DNAJC11: variants seen among roughly 807,000 people sequenced by gnomAD.
The protein encoded by DNAJC11 is dnaJ homolog subfamily C member 11.
Under a neutral mutation model 78.6 loss-of-function variants are expected in DNAJC11, and 15 were observed. That is an observed-to-expected ratio of 0.19 (90% CI 0.13 to 0.29). The LOEUF (loss-of-function observed/expected upper bound fraction) is 0.29, where lower values mean the gene tolerates loss of function less well. Among genes scored for constraint, DNAJC11 ranks in the 10% least tolerant of loss-of-function variants. The pLI, the probability that DNAJC11 is intolerant of heterozygous loss-of-function variation, is 1.00. For synonymous variants in DNAJC11, 292 were observed against 272.1 expected, an observed-to-expected ratio of 1.07 and a Z score of -0.72; for missense variants, 547 against 709.6, an observed-to-expected ratio of 0.77 and a Z score of 2.60.
Position 6,655,464 on chromosome 1 carries a change from C to T in DNAJC11, c.379-1425G>A, listed in dbSNP as rs182992301. On this transcript the variant is annotated intron_variant, in intron 4 of 15. Transcript: ENST00000377577. ...CAAATTTTTTATATTCACAGAGTAA[C>T]AGCATGAACACATCTCTGTCATGAT... Among the ~76,000 whole-genome samples the T allele has an allele frequency of 1.6e-4, 25 of 152,252 alleles. No individual in the cohort carries two copies. The East Asian group carries it at 4.2e-3, about 26-fold the overall frequency.
At position 6,634,709 on chromosome 1, in the gene DNAJC11, G is replaced by A. The variant is rs1641722827; in HGVS notation, c.*966C>T. Reference sequence around the variant, plus strand: ...TGGGCACGTGGAGGAAGGGTCTGAAGGAAGGCTCCGGAGCACAGGCCCTGG... The same window carrying A: ...TGGGCACGTGGAGGAAGGGTCTGAAAGAAGGCTCCGGAGCACAGGCCCTGG... On this transcript the variant is annotated 3_prime_UTR_variant, in exon 16 of 16. Transcript: ENST00000377577. 2 of 1,364,090 alleles carry A rather than the reference G, an allele frequency of 1.5e-6. No individual in the cohort carries two copies. The highest frequency in any genetic ancestry group is 2.0e-6 in the Non-Finnish European group (2 of 1,020,896). 84.5% of individuals were successfully genotyped at this position (1,364,090 alleles called of 1,614,324 possible). A position where few individuals can be genotyped will look rare whatever the true frequency, so the allele number is the denominator to read the frequency against.
chr1:6,678,568 C>A, intron 2 of DNAJC11, 101 bp from the exon 3 acceptor site: 1 of 906,738 alleles, frequency 1.1e-6, no homozygotes, highest in Non-Finnish European at 1.7e-6. Flanking sequence ...CCTGTTCTCC[C>A]TGTCTGATCA....
At chr1:6,639,579 G>A (rs1046035309) in intron 11 of DNAJC11, among the ~76,000 whole-genome samples, 9 of 152,136 alleles carry the variant, frequency 5.9e-5, no homozygotes, top group Non-Finnish European at 1.3e-4. Context: ...TAATCCACCT[G>A]CCTCAGCCTT....
At chr1:6,683,768 T>C (rs1642590980) in intron 1 of DNAJC11, among the ~76,000 whole-genome samples, 1 of 152,230 alleles carries the variant, frequency 6.6e-6, no homozygotes, top group South Asian at 2.1e-4. Flanking sequence ...GAAAATTCAT[T>C]GTGCTGTATA....
intron 4 of DNAJC11, among the ~76,000 whole-genome samples, chr1:6,655,913 C>T (rs1642119069): frequency 6.6e-6 from 1 of 151,734 alleles, no homozygotes; most frequent in South Asian, 2.1e-4. Context: ...ACCAACATGA[C>T]CAACATGGTG....
In DNAJC11 at chr1:6,701,638, G is replaced by A. The variant is rs555982830; in HGVS notation, c.72+91C>T. The A allele has an allele frequency of 4.6e-4, 619 of 1,343,124 alleles. 1 individual carries two copies. The highest frequency in any genetic ancestry group is 5.8e-4 in the Non-Finnish European group (585 of 1,006,674). The allele number at this position is 1,343,124 out of a possible 1,614,324, so 83.2% of individuals were successfully genotyped here. The stretch of plus-strand genomic sequence containing the variant: ...CCTCCCCGACGGACCCGAGCCTCCC[G>A]TGGCGGGGGTGGGGCGGCCACCGCC... On this transcript the variant is annotated intron_variant, in intron 1 of 15. Transcript: ENST00000377577.
At chr1:6,666,530 G>A (rs1642297710) in intron 4 of DNAJC11, among the ~76,000 whole-genome samples, 1 of 151,442 alleles carries the variant, frequency 6.6e-6, no homozygotes, top group South Asian at 2.1e-4. Flanking sequence ...GAAATTACTC[G>A]GGAGGCTGGT....
chr1:6,691,616 T>C (rs925229149), intron 1 of DNAJC11, among the ~76,000 whole-genome samples: 3 of 152,194 alleles, frequency 2.0e-5, no homozygotes, highest in African/African-American at 7.2e-5. Context: ...TGCAGACTTC[T>C]TGTGGTTGAT....
intron 4 of DNAJC11, among the ~76,000 whole-genome samples, chr1:6,664,011 T>C (rs1055229845): frequency 1.3e-5 from 2 of 152,170 alleles, no homozygotes; most frequent in African/African-American, 4.8e-5. Context: ...GATGTGCCTG[T>C]GTTCCTGCAT....
intron 1 of DNAJC11, 127 bp downstream of exon 1, chr1:6,701,602 G>A: frequency 1.1e-6 from 1 of 942,654 alleles, no homozygotes; most frequent in African/African-American, 1.8e-5. Context: ...CACGTCGCCG[G>A]GGTCACGCGG....
rs1463276464 is a variant in DNAJC11 at position 6,634,739 on chromosome 1, C to T, written c.*936G>A. On this transcript the variant is annotated 3_prime_UTR_variant, in exon 16 of 16. Coordinates refer to ENST00000377577, the MANE Select transcript of DNAJC11 (RefSeq NM_018198.4). ...GCTCCGGAGCACAGGCCCTGGTGTT[C>T]CTGTGAGGACGCTGGACCTGCAGGA... 1 of 1,354,150 alleles carries T rather than the reference C, an allele frequency of 7.4e-7. No individual in the cohort carries two copies. Among genetic ancestry groups the T allele is most frequent in the Non-Finnish European group, 9.8e-7 (1 of 1,015,698 alleles). 83.9% of individuals were successfully genotyped at this position (1,354,150 alleles called of 1,614,324 possible).
intron 14 of DNAJC11, 108 bp from the exon 15 acceptor site, chr1:6,636,354 G>A (rs1343079551): frequency 7.5e-6 from 11 of 1,464,064 alleles, no homozygotes; most frequent in African/African-American, 1.4e-5. Context: ...ATTCCCTGGG[G>A]AGATGCAAAC....
chr1:6,686,500 A>C (rs1248154299), intron 1 of DNAJC11, among the ~76,000 whole-genome samples: 6 of 152,196 alleles, frequency 3.9e-5, no homozygotes, highest in Admixed American at 3.9e-4. Flanking sequence ...AGGATGACAC[A>C]GCAGTCATCC....
intron 1 of DNAJC11, among the ~76,000 whole-genome samples, chr1:6,693,989 T>A (rs1429899104): frequency 6.6e-6 from 1 of 151,674 alleles, no homozygotes; most frequent in Non-Finnish European, 1.5e-5. Context: ...GCGCCCGCCA[T>A]CAAGTCTGGC....
rs775287715 is a variant in DNAJC11, at chr1:6,644,558, T to C, written c.1097A>G (p.Lys366Arg). The C allele has an allele frequency of 8.1e-6, 13 of 1,611,528 alleles. No homozygotes were observed. Among genetic ancestry groups the C allele is most frequent in the African/African-American group, 4.0e-5 (3 of 74,870 alleles). ...GVPQGVSLKVKLNRASQTYFF... is the reference protein window; with the variant it reads ...GVPQGVSLKVRLNRASQTYFF... ...CCCGAAAGGCCTAAGTTCAACTTAC[T>C]TGACTTTGAGAGAAACACCCTGTGG... The change falls in exon 10 of 16, where the codon AAG becomes AGG. Residue 366 changes from lysine to arginine, a missense_variant and splice_region_variant. Physicochemically the swap from Lys to Arg is conservative, Grantham distance 26. Coordinates refer to ENST00000377577, the MANE Select transcript of DNAJC11 (RefSeq NM_018198.4).
chr1:6,634,263 G>C lies in DNAJC11; in HGVS notation c.*1412C>G, dbSNP rs1641709090. The C allele has an allele frequency of 1.2e-6, 1 of 859,958 alleles. No homozygotes were observed. The highest frequency in any genetic ancestry group is 1.8e-6 in the Non-Finnish European group (1 of 570,736). The allele number at this position is 859,958 out of a possible 1,614,324, so 53.3% of individuals were successfully genotyped here. A position where few individuals can be genotyped will look rare whatever the true frequency, so the allele number is the denominator to read the frequency against. ...TGGGTGCCCAGAAGCACCTGCGGCA[G>C]AGGCGCACGGGAAGCCCGGGGCCCA... is the stretch of plus-strand genomic sequence containing the variant. On this transcript the variant is annotated 3_prime_UTR_variant, in exon 16 of 16. Transcript: ENST00000377577.
intron 1 of DNAJC11, among the ~76,000 whole-genome samples, chr1:6,692,745 A>C (rs1642765829): frequency 6.8e-6 from 1 of 147,162 alleles, no homozygotes; most frequent in African/African-American, 2.5e-5. Context: ...CATGTAGCTG[A>C]GATTACAGGC....
chr1:6,677,422 A>G (rs2147877148), intron 3 of DNAJC11, among the ~76,000 whole-genome samples: 1 of 152,118 alleles, frequency 6.6e-6, no homozygotes, highest in South Asian at 2.1e-4. Context: ...CCTCCTGAAT[A>G]GCTGGGAATA....
intron 1 of DNAJC11, among the ~76,000 whole-genome samples, chr1:6,698,155 A>G (rs1642868985): frequency 6.6e-6 from 1 of 152,010 alleles, no homozygotes; most frequent in South Asian, 2.1e-4. Flanking sequence ...GAGATTTCTA[A>G]AGAAAACTCT....
Sources: gnomAD v4.1 joint callset for allele counts (sites outside exome capture counted in the v4.1 genomes callset) on GRCh38, gnomAD v4.1.1 for gene constraint, MANE v1.5 for transcripts, NCBI Gene and HGNC (gene_info 2026-07-23, HGNC 2026-07-21) for gene names.